FNBP1: variants seen among roughly 807,000 people sequenced by gnomAD.
FNBP1 encodes formin-binding protein 1.
FNBP1 carries 26 observed loss-of-function variants against 90.6 expected under a neutral mutation model. That is an observed-to-expected ratio of 0.29 (90% CI 0.21 to 0.40). The LOEUF is 0.40. FNBP1 is among the 10% of genes least tolerant of loss of function. The pLI is 1.00. For synonymous variants in FNBP1, 260 were observed against 265.2 expected (o/e 0.98, Z 0.19); for missense variants, 635 against 768.0 (o/e 0.83, Z 2.05).
chr9:129,919,915 T>G (rs2040835850), intron 10 of FNBP1, among the ~76,000 whole-genome samples: 1 of 152,238 alleles, frequency 6.6e-6, no homozygotes. Context: ...GGATGTCCCA[T>G]GCAAGATCCA....
intron 6 of FNBP1, among the ~76,000 whole-genome samples, chr9:129,933,067 C>T (rs2042989373): frequency 6.6e-6 from 1 of 152,154 alleles, no homozygotes. Flanking sequence ...TGGGGGATTT[C>T]TTCATCTCTT....
chr9:129,927,600 C>T (rs561392466), intron 7 of FNBP1, among the ~76,000 whole-genome samples: 1 of 152,026 alleles, frequency 6.6e-6, no homozygotes, highest in African/African-American at 2.4e-5. Flanking sequence ...CTCAATAGTT[C>T]TTTTTTGTTT....
intron 4 of FNBP1, among the ~76,000 whole-genome samples, chr9:129,959,522 G>C (rs1431069036): frequency 6.6e-6 from 1 of 152,096 alleles, no homozygotes. Context: ...CTGGGAGGCA[G>C]AGGTTGCAGT....
Position 129,895,914 on chromosome 9 carries a change from G to A in FNBP1, c.1770C>T (p.Arg590=), listed in dbSNP as rs1252152431. Reference sequence around the variant, plus strand: ...CCTCTTCATCTTCATTTCTCCGAATGCGGGTCCAGCCATCGCCTTTGTCTT... The same window carrying A: ...CCTCTTCATCTTCATTTCTCCGAATACGGGTCCAGCCATCGCCTTTGTCTT... ...IEEDKGDGWT[R]IRRNEDEEGY... The change falls in exon 16 of 17, where the codon CGC becomes CGT. Residue 590 remains arginine, a synonymous_variant. Transcript: ENST00000446176. The A allele has an allele frequency of 1.2e-6, 2 of 1,613,630 alleles. No homozygotes were observed. Among genetic ancestry groups the A allele is most frequent in the Admixed American group, 1.7e-5 (1 of 59,982 alleles).
the FNBP1 span, chr9:130,053,794 G>C: frequency 8.9e-6 from 7 of 783,846 alleles, no homozygotes; most frequent in Admixed American, 1.6e-4. Context: ...CGACTTCCTA[G>C]GTCGCAATCT....
At chr9:129,929,409 C>CAAAA (rs11290487) in intron 7 of FNBP1, among the ~76,000 whole-genome samples, 158 bp downstream of exon 7, 2 of 61,212 alleles carry the variant, frequency 3.3e-5, no homozygotes, top group African/African-American at 7.0e-5. Flanking sequence ...GACTCTGTCT[C>CAAAA]AAAAAAAAAA....
At chr9:129,992,844 G>A (rs1360763165) in intron 2 of FNBP1, among the ~76,000 whole-genome samples, 7 of 148,230 alleles carry the variant, frequency 4.7e-5, no homozygotes, top group Non-Finnish European at 8.9e-5. Context: ...GAGCCACTGC[G>A]CCCAGCCAAG....
At chr9:130,005,387 G>A (rs1207932333) in intron 1 of FNBP1, among the ~76,000 whole-genome samples, 1 of 146,750 alleles carries the variant, frequency 6.8e-6, no homozygotes, top group Non-Finnish European at 1.5e-5. Context: ...TGTTGCACAG[G>A]CTGGAGTGCA....
chr9:129,995,593 A>C (rs1250394700), intron 1 of FNBP1, among the ~76,000 whole-genome samples: 2 of 152,098 alleles, frequency 1.3e-5, no homozygotes, highest in East Asian at 3.8e-4. Flanking sequence ...ATCTCTACAA[A>C]AACAATTTTT....
In FNBP1 at chr9:129,888,650, A is replaced by G. The variant is rs1159965275; in HGVS notation, c.*1889T>C. 1 of 232,844 alleles carries G rather than the reference A, an allele frequency of 4.3e-6. No homozygotes were observed. Among genetic ancestry groups the G allele is most frequent in the East Asian group, 6.0e-5 (1 of 16,536 alleles). The allele number at this position is 232,844 out of a possible 1,614,324, so 14.4% of individuals were successfully genotyped here. A position where few individuals can be genotyped will look rare whatever the true frequency, so the allele number is the denominator to read the frequency against. On this transcript the variant is annotated 3_prime_UTR_variant, in exon 17 of 17. Coordinates refer to ENST00000446176, the MANE Select transcript of FNBP1 (RefSeq NM_015033.3). ...CAGTCAGAGAGGCTCACGCTCACCT[A>G]CTTTAAAAACCCAAAGCCACTTCCT...
At chr9:129,947,189 C>G (rs1049568133) in intron 6 of FNBP1, among the ~76,000 whole-genome samples, 5 of 151,984 alleles carry the variant, frequency 3.3e-5, no homozygotes, top group African/African-American at 9.7e-5. Context: ...GCCTGTAATC[C>G]CAGCACTTTG....
intron 1 of FNBP1, among the ~76,000 whole-genome samples, chr9:130,001,102 G>A (rs556228221): frequency 2.6e-5 from 4 of 152,274 alleles, no homozygotes; most frequent in Admixed American, 2.6e-4. Context: ...GGAGGCCGAG[G>A]CAGGCGGATG....
intron 1 of FNBP1, among the ~76,000 whole-genome samples, chr9:129,995,807 G>A (rs757035603): frequency 8.5e-5 from 13 of 152,148 alleles, no homozygotes; most frequent in Non-Finnish European, 1.5e-4. Flanking sequence ...TGGAGTTGGC[G>A]AGTGATGAAA....
Position 129,925,002 on chromosome 9 carries a change from G to A in FNBP1, c.945C>T (p.Gly315=). 1 of 1,613,582 alleles carries A rather than the reference G, an allele frequency of 6.2e-7. No homozygotes were observed. Residue 315 remains glycine (G), a synonymous_variant, in exon 9 of 17, where the codon GGC becomes GGT. Transcript: ENST00000446176. ...ACGGCCATAACTTTCCTTTGGATTT[G>A]CCACCAAATTTGAGGTCTGGTTTGC... ...GEGKPDLKFG[G]KSKGKLWPFI... is the part of the protein sequence containing the mutation.
intron 11 of FNBP1, among the ~76,000 whole-genome samples, chr9:129,912,520 C>T (rs932775926): frequency 7.9e-5 from 12 of 151,808 alleles, no homozygotes; most frequent in Admixed American, 6.6e-5. Context: ...AAAACCCCGT[C>T]TCTACTAAAA....
chr9:129,954,554 T>C (rs2046632725), intron 6 of FNBP1, among the ~76,000 whole-genome samples: 1 of 151,404 alleles, frequency 6.6e-6, no homozygotes, highest in Non-Finnish European at 1.5e-5. Context: ...TGGCTCAATG[T>C]AAAAAAAACT....
chr9:130,049,832 AAAAT>A, the FNBP1 span, among the ~76,000 whole-genome samples: 1 of 152,228 alleles, frequency 6.6e-6, no homozygotes, highest in Non-Finnish European at 1.5e-5. Context: ...CTTATTGTAG[AAAAT>A]AAAGCAATCC....
intron 10 of FNBP1, among the ~76,000 whole-genome samples, chr9:129,920,807 G>C (rs568852646): frequency 1.3e-5 from 2 of 152,114 alleles, no homozygotes; most frequent in African/African-American, 4.8e-5. Context: ...AAAAAATACA[G>C]AGATAATATA....
intron 12 of FNBP1, among the ~76,000 whole-genome samples, chr9:129,907,696 A>G (rs952449410): frequency 6.6e-6 from 1 of 151,462 alleles, no homozygotes; most frequent in Non-Finnish European, 1.5e-5. Context: ...CTCCTCCTCT[A>G]TGGCATCTCT....
Sources: allele counts gnomAD v4.1 joint callset (sites outside exome capture counted in the v4.1 genomes callset), GRCh38; gene constraint gnomAD v4.1.1; transcripts MANE v1.5; gene names NCBI Gene and HGNC (gene_info 2026-07-23, HGNC 2026-07-21).